The following WWOX variants were observed in gnomAD, a reference collection of about 807,000 sequenced individuals.
The protein encoded by WWOX is WW domain containing oxidoreductase.
A neutral mutation model predicts 46.2 loss-of-function variants in WWOX; 69 were observed. The observed-to-expected ratio is 1.49, with a 90% CI of 1.23 to 1.82. WWOX has a LOEUF of 1.82. WWOX is among the 40% of genes most tolerant of loss of function. The pLI is 0.00. For synonymous variants in WWOX, 359 were observed against 202.6 expected (o/e 1.77, Z -6.56); for missense variants, 919 against 542.6 (o/e 1.69, Z -6.89).
chr16:78,808,450 G>A (rs1376155406), intron 8 of WWOX, among the ~76,000 whole-genome samples: 13 of 152,148 alleles, frequency 8.5e-5, no homozygotes, highest in African/African-American at 2.2e-4. Context: ...CCATTTTAAA[G>A]TGTTATTGAA....
rs371520185 is a variant in WWOX at position 78,385,732 on chromosome 16, C to T, written c.517-1128C>T. Among the ~76,000 whole-genome samples, 25 of 152,294 alleles carry T rather than the reference C, an allele frequency of 1.6e-4. No homozygotes were observed. The East Asian group carries it at 1.9e-3, about 12-fold the overall frequency. On this transcript the variant is annotated intron_variant, in intron 5 of 8. Coordinates refer to ENST00000566780, the MANE Select transcript of WWOX (RefSeq NM_016373.4). ...CATAGCCTTACAGGTATCATGTTATCCTCCTTAATCTTACTTAAGCATCAC... is the reference window on the plus strand; with the variant it reads ...CATAGCCTTACAGGTATCATGTTATTCTCCTTAATCTTACTTAAGCATCAC...
At chr16:78,567,116 A>G (rs908252208) in intron 8 of WWOX, among the ~76,000 whole-genome samples, 1 of 152,194 alleles carries the variant, frequency 6.6e-6, no homozygotes, top group Non-Finnish European at 1.5e-5. Context: ...GAGGTTCAGA[A>G]TGACCCAGTA....
At chr16:78,767,514 A>T (rs1682644962) in intron 8 of WWOX, among the ~76,000 whole-genome samples, 2 of 149,716 alleles carry the variant, frequency 1.3e-5, no homozygotes, top group African/African-American at 5.0e-5. Flanking sequence ...GTGTGTTTGA[A>T]TAATACTCCT....
chr16:78,354,192 A>G (rs1172097712), intron 5 of WWOX, among the ~76,000 whole-genome samples: 3 of 152,058 alleles, frequency 2.0e-5, no homozygotes, highest in African/African-American at 7.2e-5. Flanking sequence ...GTTTGTAAAC[A>G]TCTGTTTGGA....
Position 78,581,755 on chromosome 16 carries a change from A to T in WWOX, c.1056+149003A>T, listed in dbSNP as rs550409436. 5.9e-5 allele frequency among the ~76,000 whole-genome samples: 9 copies of T among 152,318 alleles called. No individual in the cohort carries two copies. In the East Asian group the frequency reaches 1.7e-3, roughly 29 times the overall value. ...CAGGAAAATTATCTCTTGTAACACC[A>T]GGTTCCCTACCTTTAGATGACAGGA... On this transcript the variant is annotated intron_variant, in intron 8 of 8. Transcript: ENST00000566780.
At chr16:78,164,083 A>G (rs2034886447) in intron 4 of WWOX, 100 bp from the exon 5 acceptor site, 1 of 1,105,814 alleles carries the variant, frequency 9.0e-7, no homozygotes, top group African/African-American at 1.6e-5. Context: ...CCTGGTTGAG[A>G]ACTTGGGGTA....
intron 8 of WWOX, among the ~76,000 whole-genome samples, chr16:78,651,812 C>T (rs913525639): frequency 6.6e-6 from 1 of 152,194 alleles, no homozygotes; most frequent in African/African-American, 2.4e-5. Context: ...TGGCTTCTAA[C>T]AAACTGATTG....
chr16:79,056,399 G>C (rs567728959), intron 8 of WWOX, among the ~76,000 whole-genome samples: 1 of 152,192 alleles, frequency 6.6e-6, no homozygotes, highest in African/African-American at 2.4e-5. Flanking sequence ...GAGTAGTGTC[G>C]TGAATGAGGC....
intron 8 of WWOX, among the ~76,000 whole-genome samples, chr16:79,114,692 T>C (rs899714779): frequency 3.3e-5 from 5 of 152,204 alleles, no homozygotes; most frequent in African/African-American, 7.2e-5. Context: ...TGTGGCACTT[T>C]GTTATGGCAG....
At chr16:78,114,840 G>C in intron 3 of WWOX, 136 bp from the exon 4 acceptor site, 4 of 1,062,822 alleles carry the variant, frequency 3.8e-6, no homozygotes, top group East Asian at 2.6e-5. Flanking sequence ...GATTCAGTGG[G>C]CCCCAGTTCT....
intron 8 of WWOX, among the ~76,000 whole-genome samples, chr16:78,505,340 C>G (rs1193730605): frequency 1.3e-5 from 2 of 152,298 alleles, no homozygotes; most frequent in East Asian, 1.9e-4. Context: ...ACAATGCCTT[C>G]TTTAACTAGC....
intron 8 of WWOX, among the ~76,000 whole-genome samples, chr16:78,768,571 C>G (rs2049983770): frequency 6.8e-6 from 1 of 147,960 alleles, no homozygotes; most frequent in Non-Finnish European, 1.5e-5. Flanking sequence ...GCCTGGGTGA[C>G]ACAGTGAGAC....
At chr16:78,752,983 A>G (rs1269853840) in intron 8 of WWOX, among the ~76,000 whole-genome samples, 4 of 152,116 alleles carry the variant, frequency 2.6e-5, no homozygotes, top group African/African-American at 9.7e-5. Context: ...TTCTTCCAGG[A>G]TAGAGGCAGT....
At chr16:79,167,231 C>T (rs2050612553) in intron 8 of WWOX, among the ~76,000 whole-genome samples, 1 of 152,172 alleles carries the variant, frequency 6.6e-6, no homozygotes, top group Non-Finnish European at 1.5e-5. Context: ...CATGAACCAC[C>T]ATGCCCGGCC....
chr16:78,435,029 G>C (rs1310443960), intron 8 of WWOX, among the ~76,000 whole-genome samples: 1 of 152,174 alleles, frequency 6.6e-6, no homozygotes, highest in Non-Finnish European at 1.5e-5. Context: ...AAGTTGGCTG[G>C]TTGGACCTAA....
At chr16:78,617,494 C>T (rs921624930) in intron 8 of WWOX, among the ~76,000 whole-genome samples, 9 of 152,060 alleles carry the variant, frequency 5.9e-5, no homozygotes, top group Non-Finnish European at 2.9e-5. Flanking sequence ...ATGCTCAGTG[C>T]AGTGACTTTG....
intron 8 of WWOX, among the ~76,000 whole-genome samples, chr16:78,934,042 A>G (rs1016967388): frequency 1.3e-5 from 2 of 152,086 alleles, no homozygotes; most frequent in East Asian, 3.9e-4. Flanking sequence ...AAATTTAAAG[A>G]AACTTAGCCG....
intron 5 of WWOX, among the ~76,000 whole-genome samples, chr16:78,380,758 C>T (rs552159576): frequency 6.6e-6 from 1 of 152,228 alleles, no homozygotes; most frequent in East Asian, 1.9e-4. Flanking sequence ...CACAGAGGAG[C>T]AAACTAAATA....
rs2083893474 is a variant in WWOX, at chr16:78,459,137, C to G, written c.1056+26385C>G. Among the ~76,000 whole-genome samples the G allele has an allele frequency of 2.6e-5, 4 of 152,264 alleles. No homozygotes were observed. The South Asian group carries it at 8.3e-4, about 32-fold the overall frequency. ...GAAGATTAAATGAAGCTTCCTTTAG[C>G]CTTCTCAGGTGGCCACAGTTTCCCA... On this transcript the variant is annotated intron_variant, in intron 8 of 8. Coordinates refer to ENST00000566780, the MANE Select transcript of WWOX (RefSeq NM_016373.4).
Sources: allele counts gnomAD v4.1 joint callset (sites outside exome capture counted in the v4.1 genomes callset), GRCh38; gene constraint gnomAD v4.1.1; transcripts MANE v1.5; gene names NCBI Gene and HGNC (gene_info 2026-07-23, HGNC 2026-07-21).